The following DTNBP1 variants were observed in gnomAD, a reference collection of about 807,000 sequenced individuals.
DTNBP1 encodes dysbindin.
Under a neutral mutation model 42.8 loss-of-function variants are expected in DTNBP1, and 35 were observed. The ratio of observed to expected loss-of-function variants is 0.82; its 90% CI spans 0.63 to 1.09. DTNBP1 has a LOEUF of 1.09. Among genes scored for constraint, DTNBP1 ranks in the 50% least tolerant of loss-of-function variants. DTNBP1 has a pLI of 0.00. For missense variants in DTNBP1, 457 were observed against 424.2 expected (o/e 1.08, Z -0.68); for synonymous variants, 171 against 162.2 (o/e 1.05, Z -0.41).
At chr6:15,662,482 C>T (rs1012400942) in intron 1 of DTNBP1, among the ~76,000 whole-genome samples, 2 of 152,178 alleles carry the variant, frequency 1.3e-5, no homozygotes, top group South Asian at 4.1e-4. Context: ...GGCGCGCTGG[C>T]TTCTCACATG....
chr6:15,543,843 GAC>G (rs945816044), intron 7 of DTNBP1, among the ~76,000 whole-genome samples: 3 of 152,178 alleles, frequency 2.0e-5, no homozygotes, highest in African/African-American at 7.2e-5. Context: ...CTTTAAAAGA[GAC>G]AATTGGAATT....
At chr6:15,577,874 C>T (rs1775648355) in intron 7 of DTNBP1, among the ~76,000 whole-genome samples, 1 of 152,168 alleles carries the variant, frequency 6.6e-6, no homozygotes, top group African/African-American at 2.4e-5. Flanking sequence ...GGACTGAATC[C>T]TGAAGTGTAG....
chr6:15,635,185 C>G (rs1444617524), intron 4 of DTNBP1, among the ~76,000 whole-genome samples: 1 of 152,142 alleles, frequency 6.6e-6, no homozygotes, highest in African/African-American at 2.4e-5. Context: ...GTGGCATGAT[C>G]TCGGCTCATT....
At position 15,628,731 on chromosome 6, in the gene DTNBP1, G is replaced by C. The variant is rs1759506811; in HGVS notation, c.223-1256C>G. ...CAGGATTAAGGCTCTTTAAGAGTTAGAATCTGAATACAACTGATTCTTACT... is the reference window on the plus strand; with the variant it reads ...CAGGATTAAGGCTCTTTAAGAGTTACAATCTGAATACAACTGATTCTTACT... On this transcript the variant is annotated intron_variant, in intron 4 of 9. Transcript: ENST00000344537. Among the ~76,000 whole-genome samples, 3 of 152,262 alleles carry C rather than the reference G, an allele frequency of 2.0e-5. No homozygotes were observed. The South Asian group carries it at 6.2e-4, about 32-fold the overall frequency.
At chr6:15,616,984 A>T (rs1758753707) in intron 5 of DTNBP1, among the ~76,000 whole-genome samples, 1 of 152,206 alleles carries the variant, frequency 6.6e-6, no homozygotes, top group African/African-American at 2.4e-5. Context: ...ACAACAATGA[A>T]ATTGCAGGGG....
At chr6:15,630,444 T>C (rs1012964820) in intron 4 of DTNBP1, among the ~76,000 whole-genome samples, 18 of 152,154 alleles carry the variant, frequency 1.2e-4, no homozygotes, top group African/African-American at 3.6e-4. Flanking sequence ...AACAAAACCA[T>C]GAATCTTGAA....
At chr6:15,593,952 T>C (rs144084115) in intron 6 of DTNBP1, among the ~76,000 whole-genome samples, 91 of 152,270 alleles carry the variant, frequency 6.0e-4, no homozygotes, top group African/African-American at 2.0e-3. Flanking sequence ...ATACCCCTCA[T>C]GTTCCAAAAT....
intron 7 of DTNBP1, among the ~76,000 whole-genome samples, chr6:15,557,250 T>C (rs1471143193): frequency 1.3e-5 from 2 of 151,138 alleles, no homozygotes; most frequent in African/African-American, 4.8e-5. Flanking sequence ...GTGGGAATTT[T>C]TTTTTTTTTT....
chr6:15,524,192 A>G, intron 9 of DTNBP1: 2 of 1,483,604 alleles, frequency 1.3e-6, no homozygotes, highest in Non-Finnish European at 1.8e-6. Flanking sequence ...GAGAGTCCGC[A>G]CCTCCCTGCA....
In DTNBP1 at chr6:15,524,700, G is replaced by A. The variant is rs199601642; in HGVS notation, c.668-31C>T. 109 of 1,608,422 alleles carry A rather than the reference G, an allele frequency of 6.8e-5. 1 individual carries two copies. The highest frequency in any genetic ancestry group is 4.0e-4 in the East Asian group (18 of 44,870). On this transcript the variant is annotated intron_variant, in intron 8 of 9. Coordinates refer to ENST00000344537, the MANE Select transcript of DTNBP1 (RefSeq NM_032122.5). ...GATAGATCAACACGAGAAAGGACAC[G>A]CTGTCTTTAATATTACTTTAAAAGG...
Position 15,522,840 on chromosome 6 carries a change from T to TTTAAG in DTNBP1, c.*130_*134dup, listed in dbSNP as rs562640771. ...CCTCACACTTTATTGTTAGCTGTTCTTTAAGTTTCTCACACATTATTGGCA... is the reference window on the plus strand; with the variant it reads ...CCTCACACTTTATTGTTAGCTGTTCTTTAAGTTAAGTTTCTCACACATTATTGGCA... On this transcript the variant is annotated 3_prime_UTR_variant, in exon 10 of 10. Coordinates refer to ENST00000344537, the MANE Select transcript of DTNBP1 (RefSeq NM_032122.5). 247 of 1,487,634 alleles carry TTTAAG rather than the reference T, an allele frequency of 1.7e-4. 2 individuals carry two copies. In the South Asian group the frequency reaches 1.9e-3, roughly 11 times the overall value. 92.2% of individuals were successfully genotyped at this position (1,487,634 alleles called of 1,614,324 possible). A position where few individuals can be genotyped will look rare whatever the true frequency, so the allele number is the denominator to read the frequency against.
intron 1 of DTNBP1, among the ~76,000 whole-genome samples, chr6:15,658,078 G>C (rs1319289766): frequency 1.3e-5 from 2 of 152,192 alleles, no homozygotes; most frequent in East Asian, 1.9e-4. Context: ...CTGGTGGACA[G>C]AGACTGTTTT....
chr6:15,642,373 A>T (rs1731510973), intron 3 of DTNBP1, among the ~76,000 whole-genome samples: 1 of 152,080 alleles, frequency 6.6e-6, no homozygotes, highest in Non-Finnish European at 1.5e-5. Flanking sequence ...GAGTGGGTGT[A>T]CCCACCCACC....
intron 6 of DTNBP1, among the ~76,000 whole-genome samples, chr6:15,596,501 AG>A (rs930767214): frequency 1.1e-4 from 16 of 152,166 alleles, no homozygotes; most frequent in Non-Finnish European, 1.9e-4. Flanking sequence ...ATCCTTAAGC[AG>A]CATTTGACCC....
intron 7 of DTNBP1, among the ~76,000 whole-genome samples, chr6:15,553,052 CAGG>C (rs1322267178): frequency 2.0e-5 from 3 of 152,098 alleles, no homozygotes; most frequent in Non-Finnish European, 4.4e-5. Flanking sequence ...CGATCATCAA[CAGG>C]AGAGGGGAGA....
intron 5 of DTNBP1, among the ~76,000 whole-genome samples, chr6:15,616,287 A>G (rs1758709718): frequency 6.6e-6 from 1 of 152,254 alleles, no homozygotes; most frequent in Admixed American, 6.5e-5. Context: ...CAAAGATTTG[A>G]GAACTCAGAG....
intron 7 of DTNBP1, among the ~76,000 whole-genome samples, chr6:15,577,115 C>A (rs973613813): frequency 1.3e-5 from 2 of 152,228 alleles, no homozygotes; most frequent in African/African-American, 2.4e-5. Context: ...CAGGCCACCA[C>A]CTACAGGAAG....
chr6:15,556,245 A>G (rs1774513227), intron 7 of DTNBP1, among the ~76,000 whole-genome samples: 2 of 150,682 alleles, frequency 1.3e-5, no homozygotes. Flanking sequence ...GCAGTGGCAC[A>G]GTCTCAGCTC....
intron 7 of DTNBP1, among the ~76,000 whole-genome samples, chr6:15,586,569 T>A (rs1776088943): frequency 6.6e-6 from 1 of 152,100 alleles, no homozygotes; most frequent in Non-Finnish European, 1.5e-5. Context: ...AACTCTCTCC[T>A]CTAACTATTC....
Sources: allele counts gnomAD v4.1 joint callset (sites outside exome capture counted in the v4.1 genomes callset), GRCh38; gene constraint gnomAD v4.1.1; transcripts MANE v1.5; gene names NCBI Gene and HGNC (gene_info 2026-07-23, HGNC 2026-07-21).